RBFOX3: variants seen among roughly 807,000 people sequenced by gnomAD.
The protein encoded by RBFOX3 is RNA binding protein fox-1 homolog 3.
Under a neutral mutation model 48.7 loss-of-function variants are expected in RBFOX3, and 17 were observed. The ratio of observed to expected loss-of-function variants is 0.35; its 90% confidence interval spans 0.24 to 0.52. The LOEUF is 0.52. Ranked by LOEUF, RBFOX3 falls within the 20% of genes least tolerant of loss-of-function variation. The pLI, the probability that RBFOX3 is intolerant of heterozygous loss-of-function variation, is 0.94. For missense variants in RBFOX3, 382 were observed against 497.5 expected, an observed-to-expected ratio of 0.77 and a Z score of 2.21; for synonymous variants, 212 against 209.5, an observed-to-expected ratio of 1.01 and a Z score of -0.10.
chr17:79,504,338 C>T (rs1053374587), intron 1 of RBFOX3, among the ~76,000 whole-genome samples: 15 of 152,340 alleles, frequency 9.8e-5, no homozygotes, highest in Admixed American at 2.6e-4. Flanking sequence ...CAGAGTAGCT[C>T]GCTCACTAGC....
chr17:79,243,603 T>G lies in RBFOX3; in HGVS notation c.-73-7798A>C, dbSNP rs907746113. On this transcript the variant is annotated intron_variant, in intron 3 of 14. Coordinates refer to ENST00000693108, the MANE Select transcript of RBFOX3 (RefSeq NM_001350451.2). The surrounding 1 kb of genome is among the most constrained non-coding windows in gnomAD (Gnocchi z 7.9). ...CTGGCTGCCCTCAGGTGGGAGGGTG[T>G]GGGGAAGGTGCTGGCTTTGCATGAG... Among the ~76,000 whole-genome samples, 1 of 151,700 alleles carries G rather than the reference T, an allele frequency of 6.6e-6. No individual in the cohort carries two copies. The highest frequency in any genetic ancestry group is 2.4e-5 in the African/African-American group (1 of 41,246).
intron 3 of RBFOX3, among the ~76,000 whole-genome samples, chr17:79,264,048 A>G (rs1322162743): frequency 1.3e-5 from 2 of 151,552 alleles, no homozygotes; most frequent in Non-Finnish European, 1.5e-5. Flanking sequence ...AAAGGCAGGA[A>G]GGACCCTTCC....
intron 2 of RBFOX3, among the ~76,000 whole-genome samples, chr17:79,379,666 T>C (rs1203950763): frequency 2.0e-5 from 3 of 152,160 alleles, no homozygotes; most frequent in African/African-American, 7.2e-5. Flanking sequence ...AGGGCTACAC[T>C]GCGCTTGTGG....
intron 3 of RBFOX3, among the ~76,000 whole-genome samples, chr17:79,253,231 C>A (rs537664835): frequency 6.6e-6 from 1 of 152,248 alleles, no homozygotes; most frequent in Admixed American, 6.5e-5. Context: ...GCTCATCTTT[C>A]CCCCCACCTC....
intron 1 of RBFOX3, among the ~76,000 whole-genome samples, chr17:79,518,276 T>C (rs2149956292): frequency 6.6e-6 from 1 of 152,326 alleles, no homozygotes; most frequent in Admixed American, 6.5e-5. Flanking sequence ...TCACGAGACA[T>C]GGCAGTGAAA....
At position 79,115,722 on chromosome 17, in the gene RBFOX3, A is replaced by G; in HGVS notation, c.-7T>C. ...GGGGGTAGGGCTGGGCCATCGCTTC[A>G]GGCGGAGCCGTGGCGTCCTGATCGC... On this transcript the variant is annotated 5_prime_UTR_variant, in exon 5 of 15. Transcript: ENST00000693108. 1 of 841,242 alleles carries G rather than the reference A, an allele frequency of 1.2e-6. No individual in the cohort carries two copies. The highest frequency in any genetic ancestry group is 1.5e-5 in the South Asian group (1 of 66,254). The allele number at this position is 841,242 out of a possible 1,614,324, so 52.1% of individuals were successfully genotyped here. A position where few individuals can be genotyped will look rare whatever the true frequency, so the allele number is the denominator to read the frequency against.
At chr17:79,520,394 C>CA in intron 1 of RBFOX3, among the ~76,000 whole-genome samples, 1 of 152,340 alleles carries the variant, frequency 6.6e-6, no homozygotes, top group African/African-American at 2.4e-5. Context: ...CGGGCCAAGG[C>CA]AGGGAGCAGC....
At chr17:79,225,095 T>C (rs1025635649) in intron 4 of RBFOX3, among the ~76,000 whole-genome samples, 12 of 152,158 alleles carry the variant, frequency 7.9e-5, no homozygotes, top group African/African-American at 2.4e-4. Context: ...ACGTCACCTA[T>C]GCAAAACATG....
At chr17:79,097,180 C>CG (rs928996672) in intron 11 of RBFOX3, 112 bp downstream of exon 11, 36 of 910,990 alleles carry the variant, frequency 4.0e-5, no homozygotes, top group Non-Finnish European at 5.1e-5. Context: ...TCCTCCCCCC[C>CG]CCCAGGTCTG....
At chr17:79,490,928 G>C (rs1442737344) in intron 1 of RBFOX3, among the ~76,000 whole-genome samples, 2 of 149,446 alleles carry the variant, frequency 1.3e-5, no homozygotes, top group African/African-American at 2.5e-5. Context: ...CCAATAGAGA[G>C]ACATGGGTGA....
intron 3 of RBFOX3, among the ~76,000 whole-genome samples, chr17:79,238,308 G>A (rs1375961176): frequency 6.6e-6 from 1 of 152,204 alleles, no homozygotes; most frequent in Non-Finnish European, 1.5e-5. Context: ...TGATTCAATT[G>A]AATCCAGCCC....
chr17:79,287,227 C>T (rs970841565), intron 3 of RBFOX3, among the ~76,000 whole-genome samples: 43 of 152,186 alleles, frequency 2.8e-4, no homozygotes, highest in Non-Finnish European at 5.0e-4. Context: ...GGCGAAGGAC[C>T]CCCTGCCTTA....
chr17:79,568,566 C>T (rs1167867604), intron 1 of RBFOX3, among the ~76,000 whole-genome samples: 1 of 152,270 alleles, frequency 6.6e-6, no homozygotes, highest in Non-Finnish European at 1.5e-5. Flanking sequence ...CTGACTCCCA[C>T]CACAACTAAA....
chr17:79,437,887 A>T (rs541542856), intron 2 of RBFOX3, among the ~76,000 whole-genome samples: 1 of 152,332 alleles, frequency 6.6e-6, no homozygotes, highest in East Asian at 1.9e-4. Context: ...GCAGACCTGG[A>T]GAGGCACATG....
chr17:79,397,439 G>C (rs2377469), intron 2 of RBFOX3, among the ~76,000 whole-genome samples: 21,385 of 150,954 alleles, frequency 0.14, 1,461 homozygotes, highest in Middle Eastern at 0.2. Flanking sequence ...GTTGCAGTGA[G>C]CCAAGATAAT....
chr17:79,521,822 T>C (rs2086151873), intron 1 of RBFOX3, among the ~76,000 whole-genome samples: 2 of 152,280 alleles, frequency 1.3e-5, no homozygotes, highest in South Asian at 2.1e-4. Context: ...CACATACATA[T>C]CCTTAAGACA....
intron 1 of RBFOX3, among the ~76,000 whole-genome samples, chr17:79,544,194 C>T (rs2090093707): frequency 6.6e-6 from 1 of 152,218 alleles, no homozygotes; most frequent in Non-Finnish European, 1.5e-5. Context: ...TGGACTGACA[C>T]TGGCCGGTCA....
At chr17:79,137,670 G>A (rs2040561287) in intron 4 of RBFOX3, among the ~76,000 whole-genome samples, 2 of 151,954 alleles carry the variant, frequency 1.3e-5, no homozygotes, top group Non-Finnish European at 2.9e-5. Context: ...GGGTGTCGGG[G>A]GAGGAGGCGG....
chr17:79,494,652 G>A (rs1410442476), intron 1 of RBFOX3, among the ~76,000 whole-genome samples: 6 of 152,250 alleles, frequency 3.9e-5, no homozygotes, highest in Admixed American at 3.9e-4. Flanking sequence ...GAGGCGTGGA[G>A]CAGAGAAGCA....
Sources: gnomAD v4.1 joint callset for allele counts (sites outside exome capture counted in the v4.1 genomes callset) on GRCh38, gnomAD v4.1.1 for gene constraint, Gnocchi (gnomAD v3.1) non-coding constraint, MANE v1.5 for transcripts, NCBI Gene and HGNC (gene_info 2026-07-23, HGNC 2026-07-21) for gene names.